ADCY1: variants seen among roughly 807,000 people sequenced by gnomAD.
ADCY1 encodes the protein adenylate cyclase 1.
ADCY1 carries 28 observed loss-of-function variants against 105.4 expected under a neutral mutation model. That is an observed-to-expected ratio of 0.27 (90% confidence interval 0.20 to 0.36). The LOEUF is 0.36. ADCY1 is among the 10% of genes least tolerant of loss of function. The probability of loss-of-function intolerance (pLI) is 1.00; values close to 1 mark genes in which losing one functional copy is unlikely to be tolerated. For synonymous variants in ADCY1, 655 were observed against 623.8 expected (o/e 1.05, Z -0.75); for missense variants, 977 against 1,434.2 (o/e 0.68, Z 5.15).
chr7:45,612,738 G>A (rs955972663), intron 3 of ADCY1, among the ~76,000 whole-genome samples: 1 of 152,158 alleles, frequency 6.6e-6, no homozygotes, highest in African/African-American at 2.4e-5. Flanking sequence ...CAACTTTTAT[G>A]GGGCTGCCTG....
At chr7:45,606,282 G>T (rs998796624) in intron 2 of ADCY1, among the ~76,000 whole-genome samples, 2 of 152,082 alleles carry the variant, frequency 1.3e-5, no homozygotes, top group African/African-American at 4.8e-5. Context: ...GCCTGGGGTG[G>T]GGGTGGAGGT....
At chr7:45,711,938 TATAA>T (rs1177987076) in intron 19 of ADCY1, among the ~76,000 whole-genome samples, 1 of 116,926 alleles carries the variant, frequency 8.6e-6, no homozygotes, top group Non-Finnish European at 1.6e-5. Flanking sequence ...ATATTAAATA[TATAA>T]ATACATATTA....
chr7:45,610,610 G>A, intron 3 of ADCY1, 113 bp downstream of exon 3: 1 of 898,462 alleles, frequency 1.1e-6, no homozygotes, highest in South Asian at 1.5e-5. Context: ...ATGGAGGTGG[G>A]GAAAGAATGG....
rs1447082137 is a variant in ADCY1, at chr7:45,703,359, G to A, written c.2455-17G>A. 1 of 1,612,236 alleles carries A rather than the reference G, an allele frequency of 6.2e-7. No individual in the cohort carries two copies. Among genetic ancestry groups the A allele is most frequent in the African/African-American group, 1.3e-5 (1 of 74,972 alleles). On this transcript the variant is annotated splice_polypyrimidine_tract_variant and intron_variant, in intron 14 of 19. Coordinates refer to ENST00000297323, the MANE Select transcript of ADCY1 (RefSeq NM_021116.4). This position sits in a 1 kb window ranked among gnomAD's most constrained non-coding sequence, Gnocchi z 5.9. ...AGCGTGAGTGGATGGGACTAATGGA[G>A]GCTCATGATACCCCAGGCAGAGGAG...
chr7:45,645,711 A>G (rs569753905), intron 4 of ADCY1, among the ~76,000 whole-genome samples: 24 of 152,132 alleles, frequency 1.6e-4, no homozygotes, highest in African/African-American at 3.4e-4. Flanking sequence ...GTTGCCCACA[A>G]TCCCTGAGTC....
At chr7:45,656,435 G>A (rs914598208) in intron 5 of ADCY1, among the ~76,000 whole-genome samples, 8 of 152,268 alleles carry the variant, frequency 5.3e-5, no homozygotes, top group African/African-American at 1.9e-4. Context: ...CTGAACGTGT[G>A]CTGGGACTTG....
At chr7:45,582,852 G>T (rs982313992) in intron 1 of ADCY1, among the ~76,000 whole-genome samples, 1 of 152,206 alleles carries the variant, frequency 6.6e-6, no homozygotes, top group Non-Finnish European at 1.5e-5. Flanking sequence ...ATCCCTGGGG[G>T]CAGGGCAAGG....
chr7:45,617,446 G>T (rs1362504228), intron 3 of ADCY1, among the ~76,000 whole-genome samples: 1 of 152,174 alleles, frequency 6.6e-6, no homozygotes, highest in Non-Finnish European at 1.5e-5. Context: ...ATGAGAGAGG[G>T]ATGTGTTTAC....
At chr7:45,579,647 G>A (rs117074744) in intron 1 of ADCY1, among the ~76,000 whole-genome samples, 2,865 of 152,316 alleles carry the variant, frequency 0.019, 63 homozygotes, top group South Asian at 0.096. Context: ...GGTAAGAGGT[G>A]GGGTGCTCCT....
chr7:45,706,026 T>A (rs1279130208), intron 17 of ADCY1, among the ~76,000 whole-genome samples: 2 of 152,164 alleles, frequency 1.3e-5, no homozygotes, highest in Non-Finnish European at 2.9e-5. Context: ...TGAGCAAAAC[T>A]ATAAAATTCT....
intron 2 of ADCY1, among the ~76,000 whole-genome samples, chr7:45,600,195 C>T (rs948862815): frequency 2.6e-5 from 4 of 152,226 alleles, no homozygotes; most frequent in African/African-American, 4.8e-5. Context: ...AGGGCAGATC[C>T]GCTGCAAGGA....
At chr7:45,607,405 C>T (rs573489007) in intron 2 of ADCY1, among the ~76,000 whole-genome samples, 16 of 152,138 alleles carry the variant, frequency 1.1e-4, no homozygotes, top group Non-Finnish European at 1.9e-4. Context: ...CCAACAACAG[C>T]AGGAGAAGAA....
intron 1 of ADCY1, among the ~76,000 whole-genome samples, chr7:45,586,334 C>T (rs1490286695): frequency 6.6e-6 from 1 of 152,140 alleles, no homozygotes; most frequent in East Asian, 1.9e-4. Context: ...TTTCCCAGGT[C>T]TGTTGAACAT....
intron 17 of ADCY1, among the ~76,000 whole-genome samples, chr7:45,705,882 A>G (rs1369734300): frequency 1.3e-5 from 2 of 152,200 alleles, no homozygotes; most frequent in East Asian, 3.8e-4. Context: ...TTGAATATAT[A>G]AAAGCTCATC....
At chr7:45,651,945 A>G (rs1326469806) in intron 5 of ADCY1, among the ~76,000 whole-genome samples, 1 of 152,218 alleles carries the variant, frequency 6.6e-6, no homozygotes, top group Non-Finnish European at 1.5e-5. Flanking sequence ...ACACTGCTAT[A>G]AAGAACTACC....
chr7:45,687,408 G>A (rs989632092), intron 14 of ADCY1, among the ~76,000 whole-genome samples: 2 of 152,202 alleles, frequency 1.3e-5, no homozygotes, highest in African/African-American at 4.8e-5. Context: ...CCAAGGCAGC[G>A]TGTGGGTGCT....
In ADCY1 at chr7:45,622,623, C is replaced by G; in HGVS notation, c.909-9C>G. 6.2e-7 allele frequency: 1 copy of G among 1,611,862 alleles called. No individual in the cohort carries two copies. The highest frequency in any genetic ancestry group is 8.5e-7 in the Non-Finnish European group (1 of 1,177,960). ...GAGAAGGGCAGCCTGGCACCCCTTT[C>G]TCTTGCAGCATCCTGTTTGCTGACA... On this transcript the variant is annotated splice_polypyrimidine_tract_variant and intron_variant, in intron 3 of 19. Transcript: ENST00000297323.
chr7:45,686,979 A>G lies in ADCY1; in HGVS notation c.2454+306A>G, dbSNP rs560420091. On this transcript the variant is annotated intron_variant, in intron 14 of 19. Coordinates refer to ENST00000297323, the MANE Select transcript of ADCY1 (RefSeq NM_021116.4). The surrounding 1 kb of genome is among the most constrained non-coding windows in gnomAD (Gnocchi z 4.3). ...GGCAGTGAGTCCCCCTTCACTGAAC[A>G]GCATGTGCAGTGGTGGTGCAGAGGG... Among the ~76,000 whole-genome samples the G allele has an allele frequency of 4.6e-5, 7 of 152,288 alleles. No individual in the cohort carries two copies. The East Asian group carries it at 1.2e-3, about 25-fold the overall frequency.
In ADCY1 at chr7:45,718,698, G is replaced by A. The variant is rs1785405432; in HGVS notation, c.*4703G>A. On this transcript the variant is annotated 3_prime_UTR_variant, in exon 20 of 20. Coordinates refer to ENST00000297323, the MANE Select transcript of ADCY1 (RefSeq NM_021116.4). ...TCCCGGCCCTCACTGCACCCACCAA[G>A]TCAAGCAGAGCTGGGTGGGCTGAGA... 2 of 152,230 alleles carry A rather than the reference G, an allele frequency of 1.3e-5. No homozygotes were observed. The highest frequency in any genetic ancestry group is 2.4e-5 in the African/African-American group (1 of 41,438). The allele number at this position is 152,230 out of a possible 1,614,324, so 9.4% of individuals were successfully genotyped here. A position where few individuals can be genotyped will look rare whatever the true frequency, so the allele number is the denominator to read the frequency against.
Sources: allele counts gnomAD v4.1 joint callset (sites outside exome capture counted in the v4.1 genomes callset), GRCh38; gene constraint gnomAD v4.1.1; non-coding constraint Gnocchi (gnomAD v3.1); transcripts MANE v1.5; gene names NCBI Gene and HGNC (gene_info 2026-07-23, HGNC 2026-07-21).